The following SLC44A4 variants were observed in gnomAD, a reference collection of about 807,000 sequenced individuals.
SLC44A4 encodes choline transporter-like protein 4.
SLC44A4 carries 74 observed loss-of-function variants against 97.0 expected under a neutral mutation model. The observed-to-expected ratio is 0.76, with a 90% CI of 0.63 to 0.93. The LOEUF is 0.93. Among genes scored for constraint, SLC44A4 ranks in the 40% least tolerant of loss-of-function variants. SLC44A4 has a pLI of 0.00. For missense variants in SLC44A4, 799 were observed against 902.9 expected (o/e 0.88, Z 1.48); for synonymous variants, 325 against 363.8 (o/e 0.89, Z 1.21).
Position 31,874,406 on chromosome 6 carries a change from G to T in SLC44A4, c.529+54C>A. ...CTCTGGGCCTGATTTCTTCATTCAA[G>T]CAATGAAAACACTGGACTAGATGAC... is the stretch of plus-strand genomic sequence containing the variant. On this transcript the variant is annotated intron_variant, in intron 7 of 20. Coordinates refer to ENST00000229729, the MANE Select transcript of SLC44A4 (RefSeq NM_025257.3). This position sits in a 1 kb window ranked among gnomAD's most constrained non-coding sequence, Gnocchi z 4.8. 6.3e-7 allele frequency: 1 copy of T among 1,578,598 alleles called. No homozygotes were observed. Among genetic ancestry groups the T allele is most frequent in the Non-Finnish European group, 8.7e-7 (1 of 1,149,190 alleles).
chr6:31,877,556 A>G lies in SLC44A4; in HGVS notation c.41-474T>C. The G allele has an allele frequency of 1.0e-6, 1 of 989,880 alleles. No homozygotes were observed. Among genetic ancestry groups the G allele is most frequent in the Non-Finnish European group, 1.2e-6 (1 of 831,544 alleles). The allele number at this position is 989,880 out of a possible 1,614,324, so 61.3% of individuals were successfully genotyped here. A position where few individuals can be genotyped will look rare whatever the true frequency, so the allele number is the denominator to read the frequency against. On this transcript the variant is annotated intron_variant, in intron 1 of 20. Coordinates refer to ENST00000229729, the MANE Select transcript of SLC44A4 (RefSeq NM_025257.3). This position sits in a 1 kb window ranked among gnomAD's most constrained non-coding sequence, Gnocchi z 6.5. The stretch of plus-strand genomic sequence containing the variant: ...TCTTCCCCTATCTGCCCCAGGCCCT[A>G]CCTTACCCTCTGGTTCAAGGCTATG...
chr6:31,877,606 G>A lies in SLC44A4; in HGVS notation c.41-524C>T. Reference sequence around the variant, plus strand: ...GGGGAAAGAAACTGGAGACAAAGGTGTCAACCCCAGCAGGGCCTGGGGAGG... The same window carrying A: ...GGGGAAAGAAACTGGAGACAAAGGTATCAACCCCAGCAGGGCCTGGGGAGG... On this transcript the variant is annotated intron_variant, in intron 1 of 20. Transcript: ENST00000229729. This position sits in a 1 kb window ranked among gnomAD's most constrained non-coding sequence, Gnocchi z 6.5. 10 of 987,758 alleles carry A rather than the reference G, an allele frequency of 1.0e-5. No individual in the cohort carries two copies. Among genetic ancestry groups the A allele is most frequent in the Non-Finnish European group, 1.2e-5 (10 of 831,392 alleles). 61.2% of individuals were successfully genotyped at this position (987,758 alleles called of 1,614,324 possible). A position where few individuals can be genotyped will look rare whatever the true frequency, so the allele number is the denominator to read the frequency against.
Position 31,874,554 on chromosome 6 carries a change from A to C in SLC44A4, c.469-34T>G, listed in dbSNP as rs1330691536. The C allele has an allele frequency of 6.2e-7, 1 of 1,607,910 alleles. No homozygotes were observed. ...GGAGTGAAAGGACAGACACACAGAC[A>C]CAGAGCAGGATGAAGAAGCAGGTCC... On this transcript the variant is annotated intron_variant, in intron 6 of 20. Coordinates refer to ENST00000229729, the MANE Select transcript of SLC44A4 (RefSeq NM_025257.3). This position sits in a 1 kb window ranked among gnomAD's most constrained non-coding sequence, Gnocchi z 4.8.
rs545481089 is a variant in SLC44A4 at position 31,877,841 on chromosome 6, G to A, written c.41-759C>T. ...TTGTGGGCACTGAGGAGGGAGAGCC[G>A]AGGGCTGGGCAGGAGTCTGGGAAGG... On this transcript the variant is annotated intron_variant, in intron 1 of 20. Transcript: ENST00000229729. The surrounding 1 kb of genome is among the most constrained non-coding windows in gnomAD (Gnocchi z 6.5). 1.8e-4 allele frequency: 27 copies of A among 154,208 alleles called. No individual in the cohort carries two copies. The South Asian group carries it at 4.7e-3, about 27-fold the overall frequency. 9.6% of individuals were successfully genotyped at this position (154,208 alleles called of 1,614,324 possible).
Position 31,877,767 on chromosome 6 carries a change from T to C in SLC44A4, c.41-685A>G. ...TGCAGGCACGTTGAGTTCCTGGTCCTCCCTGAGTACACACACAGGGAGGAG... is the reference window on the plus strand; with the variant it reads ...TGCAGGCACGTTGAGTTCCTGGTCCCCCCTGAGTACACACACAGGGAGGAG... On this transcript the variant is annotated intron_variant, in intron 1 of 20. Transcript: ENST00000229729. This position sits in a 1 kb window ranked among gnomAD's most constrained non-coding sequence, Gnocchi z 6.5. 1 of 251,418 alleles carries C rather than the reference T, an allele frequency of 4.0e-6. No individual in the cohort carries two copies. Among genetic ancestry groups the C allele is most frequent in the Non-Finnish European group, 6.3e-6 (1 of 158,876 alleles). 15.6% of individuals were successfully genotyped at this position (251,418 alleles called of 1,614,324 possible).
Position 31,875,154 on chromosome 6 carries a change from C to G in SLC44A4, c.243-126G>C. 4 of 686,952 alleles carry G rather than the reference C, an allele frequency of 5.8e-6. No homozygotes were observed. The South Asian group carries it at 7.0e-5, about 12-fold the overall frequency. 42.6% of individuals were successfully genotyped at this position (686,952 alleles called of 1,614,324 possible). A position where few individuals can be genotyped will look rare whatever the true frequency, so the allele number is the denominator to read the frequency against. On this transcript the variant is annotated intron_variant, in intron 4 of 20. Transcript: ENST00000229729. ...CAGCGTGGCCCATACCAGTCACCTCCCAGCTCCTGGCCCTAGCTCAGCTGG... is the reference window on the plus strand; with the variant it reads ...CAGCGTGGCCCATACCAGTCACCTCGCAGCTCCTGGCCCTAGCTCAGCTGG...
rs751069546 is a variant in SLC44A4, at chr6:31,865,034, T to C, written c.1807A>G (p.Lys603Glu). Residue 603 changes from lysine to glutamate, a missense_variant, in exon 18 of 21, where the codon AAG (lysine) becomes GAG (glutamate). Lys to Glu is a moderately conservative substitution (Grantham distance 56, BLOSUM62 1). Transcript: ENST00000229729. This position sits in a 1 kb window ranked among gnomAD's most constrained non-coding sequence, Gnocchi z 5.2. ...KVTDLLLFFGKLLVVGGVGVL... is the reference protein window; with the variant it reads ...KVTDLLLFFGELLVVGGVGVL... ...CCCACGCCTCCGACCACCAGCAGCT[T>C]CCCAAAGAACAGCAGCAGGTCTGTG... The C allele has an allele frequency of 6.2e-7, 1 of 1,613,676 alleles. No homozygotes were observed. The highest frequency in any genetic ancestry group is 2.2e-5 in the East Asian group (1 of 44,882).
rs991010908 is a variant in SLC44A4 at position 31,876,652 on chromosome 6, T to C, written c.89+382A>G. Among the ~76,000 whole-genome samples, 3 of 151,948 alleles carry C rather than the reference T, an allele frequency of 2.0e-5. No homozygotes were observed. The highest frequency in any genetic ancestry group is 2.9e-5 in the Non-Finnish European group (2 of 67,978). On this transcript the variant is annotated intron_variant, in intron 2 of 20. Transcript: ENST00000229729. The surrounding 1 kb of genome is among the most constrained non-coding windows in gnomAD (Gnocchi z 4.8). Reference sequence around the variant, plus strand: ...TACTCGGAAGGCTAGGGCAGGAGGATCACTTGAGCACAGGAGTTCGAGCCT... The same window carrying C: ...TACTCGGAAGGCTAGGGCAGGAGGACCACTTGAGCACAGGAGTTCGAGCCT...
chr6:31,871,546 A>G lies in SLC44A4; in HGVS notation c.545T>C (p.Phe182Ser). The change falls in exon 8 of 21, where the codon TTT (phenylalanine) becomes TCT (serine). Residue 182 changes from phenylalanine (F) to serine (S), a missense_variant. Coordinates refer to ENST00000229729, the MANE Select transcript of SLC44A4 (RefSeq NM_025257.3). The part of the protein sequence containing the change: ...LPSAPALGRC[F>S]PWTNVTPPAL... ...CGGTGGAGTAACGTTGGTCCATGGAAAGCAGCGCCCCAGAGCTGGAAGGGA... is the reference window on the plus strand; with the variant it reads ...CGGTGGAGTAACGTTGGTCCATGGAGAGCAGCGCCCCAGAGCTGGAAGGGA... 1.2e-6 allele frequency: 2 copies of G among 1,613,646 alleles called. No homozygotes were observed. The highest frequency in any genetic ancestry group is 1.7e-6 in the Non-Finnish European group (2 of 1,179,736).
chr6:31,865,314 C>T lies in SLC44A4; in HGVS notation c.1760+1G>A. ...ACAAAGCGGGGGGGGAGCAGCCTAA[C>T]CTGACAATGTTTCGCATGAGTAGCA... On this transcript the variant is annotated splice_donor_variant, in intron 17 of 20. Coordinates refer to ENST00000229729, the MANE Select transcript of SLC44A4 (RefSeq NM_025257.3). LOFTEE classifies it high-confidence loss of function. The surrounding 1 kb of genome is among the most constrained non-coding windows in gnomAD (Gnocchi z 5.2). 6.2e-7 allele frequency: 1 copy of T among 1,613,926 alleles called. No homozygotes were observed. The highest frequency in any genetic ancestry group is 8.5e-7 in the Non-Finnish European group (1 of 1,179,976).
intron 13 of SLC44A4, among the ~76,000 whole-genome samples, chr6:31,866,707 A>C (rs1225452237): frequency 6.6e-6 from 1 of 152,178 alleles, no homozygotes; most frequent in Non-Finnish European, 1.5e-5. Flanking sequence ...AGCTTGGCCA[A>C]CATGGTGAAA....
rs1403632563 is a variant in SLC44A4 at position 31,878,904 on chromosome 6, T to A, written c.40+37A>T. ...CATTCCCAAAGTACCCGTCCTCCCC[T>A]CCCTCCACAGGGTCCCGGGCCTCGC... is the stretch of plus-strand genomic sequence containing the variant. On this transcript the variant is annotated intron_variant, in intron 1 of 20. Transcript: ENST00000229729. The surrounding 1 kb of genome is among the most constrained non-coding windows in gnomAD (Gnocchi z 4.0). 1 of 1,609,560 alleles carries A rather than the reference T, an allele frequency of 6.2e-7. No homozygotes were observed. Among genetic ancestry groups the A allele is most frequent in the Non-Finnish European group, 8.5e-7 (1 of 1,176,226 alleles).
chr6:31,873,269 G>A (rs567122541), intron 7 of SLC44A4, among the ~76,000 whole-genome samples: 2 of 151,234 alleles, frequency 1.3e-5, no homozygotes, highest in African/African-American at 2.4e-5. Context: ...TGCAACCTCT[G>A]CCACCCGGGT....
At position 31,870,827 on chromosome 6, in the gene SLC44A4, T is replaced by C; in HGVS notation, c.922A>G (p.Thr308Ala). The C allele has an allele frequency of 6.2e-7, 1 of 1,612,950 alleles. No homozygotes were observed. The highest frequency in any genetic ancestry group is 8.5e-7 in the Non-Finnish European group (1 of 1,179,988). Residue 308 changes from threonine (T) to alanine (A), a missense_variant, in exon 10 of 21, where the codon ACC becomes GCC. Physicochemically the swap from Thr to Ala is moderately conservative, Grantham distance 58 (BLOSUM62 0). This residue lies in a region of SLC44A4 where 409 missense variants were observed against 434.1 expected (regional missense o/e 0.94). Transcript: ENST00000229729. ...GGACACTCACGGGCGGCCAGCCAGG[T>C]CTCCTGCACGCTCTGGTAGGCACTG... ...NLSAYQSVQE[T>A]WLAALIVLAV...
intron 13 of SLC44A4, among the ~76,000 whole-genome samples, chr6:31,867,853 C>T (rs1349872707): frequency 2.9e-5 from 4 of 139,682 alleles, no homozygotes; most frequent in Admixed American, 7.6e-5. Context: ...GACGGAGTCT[C>T]GCCGCCCAGG....
rs1288910827 is a variant in SLC44A4, at chr6:31,874,686, T to G, written c.468+35A>C. The G allele has an allele frequency of 8.2e-6, 13 of 1,579,654 alleles. No individual in the cohort carries two copies. Among genetic ancestry groups the G allele is most frequent in the Non-Finnish European group, 1.1e-5 (13 of 1,164,072 alleles). On this transcript the variant is annotated intron_variant, in intron 6 of 20. Transcript: ENST00000229729. This position sits in a 1 kb window ranked among gnomAD's most constrained non-coding sequence, Gnocchi z 4.8. ...CCTCTCGTGCCCACCCTGGCCCTTC[T>G]GGGCGACAGTGATGAGGTTAGGGGC...
chr6:31,874,785 G>A lies in SLC44A4; in HGVS notation c.404C>T (p.Thr135Ile). The A allele has an allele frequency of 6.2e-7, 1 of 1,614,046 alleles. No individual in the cohort carries two copies. The highest frequency in any genetic ancestry group is 8.5e-7 in the Non-Finnish European group (1 of 1,179,974). ...WTVGKNEFSQTVGEVFYTKNR... is the reference protein window; with the variant it reads ...WTVGKNEFSQIVGEVFYTKNR... ...TTTTGTATAGAAGACTTCCCCAACA[G>A]TCTGTGAGAACTCGTTTTTTCCCAC... The change falls in exon 6 of 21, where the codon ACT becomes ATT. Residue 135 changes from threonine to isoleucine, a missense_variant. By Grantham distance (89) the Thr-to-Ile change is moderately conservative (BLOSUM62 -1). Coordinates refer to ENST00000229729, the MANE Select transcript of SLC44A4 (RefSeq NM_025257.3). The surrounding 1 kb of genome is among the most constrained non-coding windows in gnomAD (Gnocchi z 4.8).
rs1562441387 is a variant in SLC44A4 at position 31,865,065 on chromosome 6, G to A, written c.1776C>T (p.Asp592=). 1 of 1,613,486 alleles carries A rather than the reference G, an allele frequency of 6.2e-7. No individual in the cohort carries two copies. The highest frequency in any genetic ancestry group is 1.7e-5 in the Admixed American group (1 of 60,014). ...MRNIVRVVVL[D]KVTDLLLFFG... Reference sequence around the variant, plus strand: ...AGAACAGCAGCAGGTCTGTGACTTTGTCCAGGACGACCACCCTGTGCCAGA... The same window carrying A: ...AGAACAGCAGCAGGTCTGTGACTTTATCCAGGACGACCACCCTGTGCCAGA... Residue 592 remains aspartate (D), a synonymous_variant, in exon 18 of 21, where the codon GAC becomes GAT. Transcript: ENST00000229729. This position sits in a 1 kb window ranked among gnomAD's most constrained non-coding sequence, Gnocchi z 5.2.
In SLC44A4 at chr6:31,874,975, T is replaced by C. The variant is rs1264379730; in HGVS notation, c.296A>G (p.Asn99Ser). 9.3e-6 allele frequency: 15 copies of C among 1,613,500 alleles called. No homozygotes were observed. Among genetic ancestry groups the C allele is most frequent in the Non-Finnish European group, 1.2e-5 (14 of 1,180,010 alleles). Residue 99 changes from asparagine to serine, a missense_variant, in exon 5 of 21, where the codon AAC becomes AGC. Physicochemically the swap from Asn to Ser is conservative, Grantham distance 46. Transcript: ENST00000229729. This position sits in a 1 kb window ranked among gnomAD's most constrained non-coding sequence, Gnocchi z 4.8. Reference protein sequence around the residue: ...FNIFSCILSSNIISVAENGLQ... With the variant: ...FNIFSCILSSSIISVAENGLQ... ...GCCGTTCTCAGCAACTGAGATGATG[T>C]TGCTGGACAGGATGCAGCTGAAGAT...
Sources: allele counts gnomAD v4.1 joint callset (sites outside exome capture counted in the v4.1 genomes callset), GRCh38; gene constraint gnomAD v4.1.1; regional missense constraint gnomAD v4.1.1; non-coding constraint Gnocchi (gnomAD v3.1); transcripts MANE v1.5; gene names NCBI Gene and HGNC (gene_info 2026-07-23, HGNC 2026-07-21).